PDK1: variants seen among roughly 807,000 people sequenced by gnomAD.
The protein encoded by PDK1 is [Pyruvate dehydrogenase (acetyl-transferring)] kinase isozyme 1, mitochondrial.
Under a neutral mutation model 54.2 loss-of-function variants are expected in PDK1, and 39 were observed. The ratio of observed to expected loss-of-function variants is 0.72; its 90% CI spans 0.56 to 0.94. The LOEUF (loss-of-function observed/expected upper bound fraction) is 0.94. Among genes scored for constraint, PDK1 ranks in the 40% least tolerant of loss-of-function variants. PDK1 has a pLI of 0.00. For synonymous variants in PDK1, 221 were observed against 207.1 expected (o/e 1.07, Z -0.58); for missense variants, 552 against 566.0 (o/e 0.98, Z 0.25).
the PDK1 span, among the ~76,000 whole-genome samples, chr2:172,660,496 A>G: frequency 2.0e-5 from 3 of 151,706 alleles, no homozygotes; most frequent in Non-Finnish European, 4.4e-5. Flanking sequence ...AGCTCAGGCA[A>G]TCCACCTGCC....
At chr2:172,707,772 T>C in the PDK1 span, among the ~76,000 whole-genome samples, 1 of 152,260 alleles carries the variant, frequency 6.6e-6, no homozygotes, top group African/African-American at 2.4e-5. Flanking sequence ...TGTGTGTTAA[T>C]AGTTATTTTC....
At chr2:172,556,482 CGCCTTAGGT>C (rs1380168516) in intron 1 of PDK1, 136 bp downstream of exon 1, 2 of 556,678 alleles carry the variant, frequency 3.6e-6, no homozygotes, top group Non-Finnish European at 5.7e-6. Context: ...CCGCCCCCAG[CGCCTTAGGT>C]GCTTCCTTCC....
chr2:172,561,005 A>T (rs1388067282), intron 2 of PDK1, among the ~76,000 whole-genome samples: 1 of 152,244 alleles, frequency 6.6e-6, no homozygotes, highest in African/African-American at 2.4e-5. Context: ...ATCGCAATTT[A>T]AAAAAGCAAA....
At chr2:172,666,596 G>A in the PDK1 span, among the ~76,000 whole-genome samples, 131 of 152,266 alleles carry the variant, frequency 8.6e-4, no homozygotes, top group African/African-American at 3.1e-3. Context: ...GCAGGGGTAC[G>A]AGCTGGAGTG....
chr2:172,592,760 A>G (rs140707053), intron 9 of PDK1, among the ~76,000 whole-genome samples, 175 bp from the exon 10 acceptor site: 11 of 152,342 alleles, frequency 7.2e-5, no homozygotes, highest in African/African-American at 2.4e-4. Context: ...TACAGTACTC[A>G]AGTAAACCTC....
intron 2 of PDK1, 68 bp downstream of exon 2, chr2:172,558,917 C>CT (rs34421489): frequency 3.2e-5 from 44 of 1,362,506 alleles, no homozygotes; most frequent in East Asian, 4.7e-5. Context: ...ACAGCAAATG[C>CT]TTTTTTTTAC....
At chr2:172,645,260 CTTTTTTTTTTTTTTT>C in the PDK1 span, among the ~76,000 whole-genome samples, 1 of 51,128 alleles carries the variant, frequency 2.0e-5, no homozygotes, top group African/African-American at 6.8e-5. Flanking sequence ...ACAAAATAGG[CTTTTTTTTTTTTTTT>C]TTTTTTTTTT....
intron 8 of PDK1, among the ~76,000 whole-genome samples, chr2:172,571,244 T>C (rs145051937): frequency 5.3e-5 from 8 of 152,320 alleles, no homozygotes; most frequent in Non-Finnish European, 1.2e-4. Context: ...TTTACAGGTG[T>C]GGAGACTAAG....
At chr2:172,681,771 T>G in the PDK1 span, among the ~76,000 whole-genome samples, 1 of 152,204 alleles carries the variant, frequency 6.6e-6, no homozygotes, top group Non-Finnish European at 1.5e-5. Flanking sequence ...TTAGTTATTA[T>G]TATTTTTTAT....
At chr2:172,642,161 A>T in the PDK1 span, among the ~76,000 whole-genome samples, 1 of 152,116 alleles carries the variant, frequency 6.6e-6, no homozygotes, top group Admixed American at 6.5e-5. Flanking sequence ...AGCGGAATGG[A>T]GCGTCTATGG....
chr2:172,556,649 T>C, intron 1 of PDK1: 1 of 254,672 alleles, frequency 3.9e-6, no homozygotes, highest in East Asian at 7.4e-5. Context: ...GCCAGGCCCC[T>C]TCCAAGGAGT....
In PDK1 at chr2:172,556,269, G is replaced by A; in HGVS notation, c.119G>A (p.Arg40His). ...TCGGGCTCCAGCCCGGCGTCCGAGC[G>A]CGGCGTTCCGGGCCAGGTGGACTTC... ...SDSGSSPASE[R>H]GVPGQVDFYA... Residue 40 changes from arginine (R) to histidine (H), a missense_variant, in exon 1 of 11, where the codon CGC becomes CAC. Coordinates refer to ENST00000282077, the MANE Select transcript of PDK1 (RefSeq NM_002610.5). The A allele has an allele frequency of 1.3e-6, 2 of 1,492,400 alleles. No individual in the cohort carries two copies. Among genetic ancestry groups the A allele is most frequent in the Non-Finnish European group, 8.9e-7 (1 of 1,127,658 alleles). The allele number at this position is 1,492,400 out of a possible 1,614,324, so 92.4% of individuals were successfully genotyped here.
the PDK1 span, among the ~76,000 whole-genome samples, chr2:172,683,128 C>T: frequency 6.6e-6 from 1 of 151,938 alleles, no homozygotes; most frequent in Admixed American, 6.6e-5. Context: ...GGGCGGATCA[C>T]GAGGTCAGGA....
the PDK1 span, among the ~76,000 whole-genome samples, chr2:172,634,908 A>G: frequency 6.6e-6 from 1 of 152,204 alleles, no homozygotes; most frequent in South Asian, 2.1e-4. Flanking sequence ...CAGTCATTGT[A>G]ATTGCATTTC....
the PDK1 span, among the ~76,000 whole-genome samples, chr2:172,636,749 T>C: frequency 6.7e-6 from 1 of 149,736 alleles, no homozygotes; most frequent in Non-Finnish European, 1.5e-5. Flanking sequence ...AAGAACTCAT[T>C]CATTACCATA....
chr2:172,716,609 G>A, the PDK1 span, among the ~76,000 whole-genome samples: 2 of 152,026 alleles, frequency 1.3e-5, no homozygotes, highest in Non-Finnish European at 2.9e-5. Flanking sequence ...ACAGGGGTGA[G>A]CCACTGTGCC....
the PDK1 span, among the ~76,000 whole-genome samples, chr2:172,617,584 G>A: frequency 3.3e-5 from 5 of 152,016 alleles, no homozygotes; most frequent in African/African-American, 9.7e-5. Flanking sequence ...GCAGAAGACC[G>A]AGACAGCAAA....
the PDK1 span, among the ~76,000 whole-genome samples, chr2:172,635,368 C>T: frequency 1.3e-5 from 2 of 152,010 alleles, no homozygotes; most frequent in East Asian, 1.9e-4. Context: ...CAGGCTGGAG[C>T]GCAATGGTGC....
chr2:172,616,803 G>GC, the PDK1 span, among the ~76,000 whole-genome samples: 1 of 152,096 alleles, frequency 6.6e-6, no homozygotes, highest in Non-Finnish European at 1.5e-5. Context: ...GCTAGTAGTA[G>GC]GACTGACAGT....
Sources: gnomAD v4.1 joint callset for allele counts (sites outside exome capture counted in the v4.1 genomes callset) on GRCh38, gnomAD v4.1.1 for gene constraint, MANE v1.5 for transcripts, NCBI Gene and HGNC (gene_info 2026-07-23, HGNC 2026-07-21) for gene names.